Variants in TLN2 observed in about 807,000 individuals in gnomAD.
The protein encoded by TLN2 is talin-2.
In TLN2, 118 loss-of-function variants were observed where a neutral mutation model predicts 294.7. That is an observed-to-expected ratio of 0.40 (90% CI 0.34 to 0.47). The LOEUF (loss-of-function observed/expected upper bound fraction) is 0.47, where lower values mean the gene tolerates loss of function less well. Ranked by LOEUF, TLN2 falls within the 20% of genes least tolerant of loss-of-function variation. TLN2 has a pLI of 0.84. For synonymous variants in TLN2, 1,431 were observed against 1,304.5 expected (o/e 1.10, Z -2.09); for missense variants, 3,083 against 3,282.2 (o/e 0.94, Z 1.48).
At position 62,462,023 on chromosome 15, in the gene TLN2, C is replaced by A. The variant is rs181701607; in HGVS notation, c.-238+71338C>A. 4.6e-3 allele frequency among the ~76,000 whole-genome samples: 705 copies of A among 152,264 alleles called. 8 individuals are homozygous for A. Among genetic ancestry groups the A allele is most frequent in the African/African-American group, 0.016 (676 of 41,530 alleles). Reference sequence around the variant, plus strand: ...CGGCTGAGGCAGGTGGATCACGAGACCAGCCTGGCCGATATGGTGAAACCC... The same window carrying A: ...CGGCTGAGGCAGGTGGATCACGAGAACAGCCTGGCCGATATGGTGAAACCC... On this transcript the variant is annotated intron_variant, in intron 1 of 58. Transcript: ENST00000636159.
intron 1 of TLN2, among the ~76,000 whole-genome samples, chr15:62,519,558 A>G (rs2040353776): frequency 6.6e-6 from 1 of 152,082 alleles, no homozygotes; most frequent in African/African-American, 2.4e-5. Context: ...TAAATTGAAG[A>G]CTCCAGTGTT....
chr15:62,468,450 A>G (rs2037266449), intron 1 of TLN2, among the ~76,000 whole-genome samples: 2 of 152,208 alleles, frequency 1.3e-5, no homozygotes, highest in Non-Finnish European at 1.5e-5. Flanking sequence ...ATTTAATGTT[A>G]CAAAGGAGTT....
intron 57 of TLN2, 22 bp from the exon 58 acceptor site, chr15:62,838,829 ATAATG>A (rs1567723461): frequency 1.9e-6 from 3 of 1,605,796 alleles, no homozygotes; most frequent in Non-Finnish European, 2.5e-6. Flanking sequence ...TTCTAATGAT[ATAATG>A]TATGTTTTGT....
chr15:62,718,217 A>C (rs1024143546), intron 24 of TLN2, among the ~76,000 whole-genome samples: 1 of 152,166 alleles, frequency 6.6e-6, no homozygotes, highest in African/African-American at 2.4e-5. Flanking sequence ...TTTACTACAA[A>C]AGGTACAGTA....
At chr15:62,760,305 G>A (rs1280688388) in intron 37 of TLN2, among the ~76,000 whole-genome samples, 1 of 152,190 alleles carries the variant, frequency 6.6e-6, no homozygotes, top group Non-Finnish European at 1.5e-5. Context: ...AAGCTGCCAA[G>A]GCTTGATTGG....
intron 50 of TLN2, among the ~76,000 whole-genome samples, chr15:62,801,490 G>A (rs536427215): frequency 6.6e-6 from 1 of 152,236 alleles, no homozygotes; most frequent in South Asian, 2.1e-4. Context: ...CAACTTTTTT[G>A]GGAAAGAGGG....
intron 55 of TLN2, 155 bp downstream of exon 55, chr15:62,833,784 T>G (rs117778763): frequency 0.02 from 22,572 of 1,107,022 alleles, 312 homozygotes; most frequent in Admixed American, 0.032. Context: ...GACTGAAAAC[T>G]ACAGCCTTCA....
At chr15:62,565,242 A>G (rs1530286) in intron 1 of TLN2, among the ~76,000 whole-genome samples, 26,043 of 152,132 alleles carry the variant, frequency 0.17, 2,333 homozygotes, top group African/African-American at 0.22. Flanking sequence ...TTTGAGAAGT[A>G]TTTACGATAT....
chr15:62,470,886 T>C (rs1357192355), intron 1 of TLN2, among the ~76,000 whole-genome samples: 2 of 152,280 alleles, frequency 1.3e-5, no homozygotes, highest in Non-Finnish European at 2.9e-5. Flanking sequence ...TTAGTCATAG[T>C]AGGCCTTATG....
chr15:62,661,724 CA>C (rs987093419), intron 9 of TLN2, among the ~76,000 whole-genome samples: 1 of 151,996 alleles, frequency 6.6e-6, no homozygotes, highest in African/African-American at 2.4e-5. Context: ...AGACAAAGAG[CA>C]GAGAGAATGA....
At chr15:62,746,424 G>A (rs531980660) in intron 32 of TLN2, among the ~76,000 whole-genome samples, 29 of 152,258 alleles carry the variant, frequency 1.9e-4, no homozygotes, top group Non-Finnish European at 3.4e-4. Context: ...CATAGAGAGC[G>A]CAGTGTTTCC....
intron 14 of TLN2, among the ~76,000 whole-genome samples, chr15:62,697,487 C>G (rs2058427661): frequency 6.6e-6 from 1 of 152,188 alleles, no homozygotes; most frequent in Non-Finnish European, 1.5e-5. Flanking sequence ...ATTTACATTA[C>G]TTATCATAAA....
chr15:62,600,921 T>C (rs1442603390), intron 2 of TLN2, among the ~76,000 whole-genome samples: 1 of 152,240 alleles, frequency 6.6e-6, no homozygotes, highest in Non-Finnish European at 1.5e-5. Context: ...TTCTGAATAT[T>C]ATCTAATATC....
At chr15:62,677,056 C>A (rs1453219883) in intron 11 of TLN2, among the ~76,000 whole-genome samples, 1 of 152,228 alleles carries the variant, frequency 6.6e-6, no homozygotes, top group Non-Finnish European at 1.5e-5. Flanking sequence ...AGCTGTACTG[C>A]CTTAGCCGGA....
intron 12 of TLN2, 38 bp downstream of exon 12, chr15:62,686,834 G>C (rs201477913): frequency 3.7e-6 from 6 of 1,607,036 alleles, no homozygotes; most frequent in Non-Finnish European, 5.1e-6. Flanking sequence ...CACTAGCGTG[G>C]CCTTGAGTGA....
At position 62,805,804 on chromosome 15, in the gene TLN2, T is replaced by G. The variant is rs1596062682; in HGVS notation, c.6663+19T>G. ...TTGCAAGGTAAAGAGCTTGGCATGGTTTTGGATGGACAGATGATTCTCTGT... is the reference window on the plus strand; with the variant it reads ...TTGCAAGGTAAAGAGCTTGGCATGGGTTTGGATGGACAGATGATTCTCTGT... On this transcript the variant is annotated intron_variant, in intron 51 of 58. Coordinates refer to ENST00000636159, the MANE Select transcript of TLN2 (RefSeq NM_015059.3). The G allele has an allele frequency of 6.2e-7, 1 of 1,605,804 alleles. No individual in the cohort carries two copies. The highest frequency in any genetic ancestry group is 8.5e-7 in the Non-Finnish European group (1 of 1,174,472).
At chr15:62,580,852 C>T (rs1415544902) in intron 1 of TLN2, among the ~76,000 whole-genome samples, 3 of 150,120 alleles carry the variant, frequency 2.0e-5, no homozygotes, top group Non-Finnish European at 3.0e-5. Flanking sequence ...CTTCGCCCCG[C>T]CCCCTGACCC....
At chr15:62,524,294 GAGTAGAAGCTTTGTC>G (rs2040617802) in intron 1 of TLN2, among the ~76,000 whole-genome samples, 1 of 152,140 alleles carries the variant, frequency 6.6e-6, no homozygotes, top group Admixed American at 6.5e-5. Flanking sequence ...ACAAAGCTGT[GAGTAGAAGCTTTGTC>G]AATGGCAGAT....
intron 2 of TLN2, among the ~76,000 whole-genome samples, chr15:62,613,343 C>G (rs1340079092): frequency 6.6e-6 from 1 of 152,132 alleles, no homozygotes; most frequent in Non-Finnish European, 1.5e-5. Flanking sequence ...TTAGAATGGT[C>G]AACTTCTGTC....
Sources: allele counts gnomAD v4.1 joint callset (sites outside exome capture counted in the v4.1 genomes callset), GRCh38; gene constraint gnomAD v4.1.1; transcripts MANE v1.5; gene names NCBI Gene and HGNC (gene_info 2026-07-23, HGNC 2026-07-21).